The following PCDHA4 variants were observed in gnomAD, a reference collection of about 807,000 sequenced individuals.
The protein encoded by PCDHA4 is protocadherin alpha 4.
PCDHA4 carries 49 observed loss-of-function variants against 61.4 expected under a neutral mutation model. The ratio of observed to expected loss-of-function variants is 0.80; its 90% CI spans 0.63 to 1.01. The LOEUF is 1.01. Ranked by LOEUF, PCDHA4 falls within the 50% of genes least tolerant of loss-of-function variation. The pLI is 0.00. For synonymous variants in PCDHA4, 590 were observed against 550.3 expected, an observed-to-expected ratio of 1.07 and a Z score of -1.01; for missense variants, 1,254 against 1,235.8, an observed-to-expected ratio of 1.01 and a Z score of -0.22.
chr5:140,939,311 C>A (rs972598257), intron 1 of PCDHA4, among the ~76,000 whole-genome samples: 1 of 152,130 alleles, frequency 6.6e-6, no homozygotes, highest in African/African-American at 2.4e-5. Flanking sequence ...AAAGCCCTAC[C>A]TCCTAATATC....
chr5:140,821,598 A>T, intron 1 of PCDHA4: 1 of 689,144 alleles, frequency 1.5e-6, no homozygotes, highest in Non-Finnish European at 2.3e-6. Context: ...CCAGCCTCAA[A>T]GGAATACAGT....
chr5:140,958,159 A>T (rs782390357), intron 1 of PCDHA4, among the ~76,000 whole-genome samples: 35 of 152,134 alleles, frequency 2.3e-4, no homozygotes, highest in Non-Finnish European at 4.3e-4. Flanking sequence ...CATAGTCAAA[A>T]GCCTGGAGTG....
chr5:140,831,520 C>CTTT (rs2150195630), intron 1 of PCDHA4, among the ~76,000 whole-genome samples: 4 of 122,404 alleles, frequency 3.3e-5, no homozygotes, highest in Non-Finnish European at 6.6e-5. Context: ...TGCCCCCCAC[C>CTTT]TTTTTTTTTT....
intron 2 of PCDHA4, among the ~76,000 whole-genome samples, chr5:140,980,713 C>A (rs1034858406): frequency 1.3e-5 from 2 of 151,364 alleles, no homozygotes; most frequent in Non-Finnish European, 2.9e-5. Context: ...TGCTCCTATT[C>A]GGGTTTCAAT....
Position 140,807,950 on chromosome 5 carries a change from G to C in PCDHA4, c.763G>C (p.Val255Leu), listed in dbSNP as rs201004244. ...TIYKVRLLEN[V>L]PNGTLVIKLN... ...TTATAAGGTGAGATTACTAGAAAATGTTCCTAATGGAACATTGGTAATTAA... is the reference window on the plus strand; with the variant it reads ...TTATAAGGTGAGATTACTAGAAAATCTTCCTAATGGAACATTGGTAATTAA... The change falls in exon 1 of 4, where the codon GTT becomes CTT. Residue 255 changes from valine to leucine, a missense_variant. Physicochemically the swap from Val to Leu is conservative, Grantham distance 32. Coordinates refer to ENST00000530339, the MANE Select transcript of PCDHA4 (RefSeq NM_018907.4). The C allele has an allele frequency of 1.9e-4, 306 of 1,614,074 alleles. 1 individual carries two copies. In the South Asian group the frequency reaches 1.9e-3, roughly 10 times the overall value.
At chr5:140,828,862 C>T (rs2150159832) in intron 1 of PCDHA4, 2 of 1,614,178 alleles carry the variant, frequency 1.2e-6, no homozygotes, top group Non-Finnish European at 1.7e-6. Context: ...ATGCAGACAA[C>T]GGAACAACAG....
Position 140,927,906 on chromosome 5 carries a change from C to T in PCDHA4, c.2386-51043C>T, listed in dbSNP as rs116016831. On this transcript the variant is annotated intron_variant, in intron 1 of 3. Coordinates refer to ENST00000530339, the MANE Select transcript of PCDHA4 (RefSeq NM_018907.4). ...TGACTGACGTGAACGATCATGCCCC[C>T]GAACTGGACTTCCTGACTCTTTCGA... is the stretch of plus-strand genomic sequence containing the variant. 5,195 of 1,614,178 alleles carry T rather than the reference C, an allele frequency of 3.2e-3. 26 individuals are homozygous for T. The highest frequency in any genetic ancestry group is 0.019 in the African/African-American group (1,450 of 75,038).
At chr5:140,847,583 T>A (rs1323179301) in intron 1 of PCDHA4, 3 of 149,348 alleles carry the variant, frequency 2.0e-5, no homozygotes, top group African/African-American at 7.3e-5. Context: ...GGATGAGCAA[T>A]AATGAAATTA....
chr5:140,849,480 C>G (rs1554142971), intron 1 of PCDHA4: 1 of 1,590,328 alleles, frequency 6.3e-7, no homozygotes, highest in African/African-American at 1.4e-5. Context: ...AGGCTTCCCA[C>G]CCCTGGCTGG....
chr5:140,886,097 A>G (rs1341108712), intron 1 of PCDHA4, among the ~76,000 whole-genome samples: 1 of 152,214 alleles, frequency 6.6e-6, no homozygotes, highest in Non-Finnish European at 1.5e-5. Context: ...ATTGACATTG[A>G]TACAGTAAAG....
At chr5:140,876,945 C>T (rs1405794987) in intron 1 of PCDHA4, 2 of 1,613,474 alleles carry the variant, frequency 1.2e-6, no homozygotes, top group East Asian at 2.2e-5. Flanking sequence ...CGCTGGTGTC[C>T]TACTCGCTGG....
At chr5:140,914,290 T>A (rs1412561039) in intron 1 of PCDHA4, among the ~76,000 whole-genome samples, 1 of 152,200 alleles carries the variant, frequency 6.6e-6, no homozygotes, top group Non-Finnish European at 1.5e-5. Context: ...AATTGTTATA[T>A]CCTCTTGCTG....
intron 1 of PCDHA4, chr5:140,870,246 C>A: frequency 6.2e-7 from 1 of 1,614,168 alleles, no homozygotes; most frequent in Non-Finnish European, 8.5e-7. Flanking sequence ...CAGGTGTCAA[C>A]GGACAGGTGA....
intron 1 of PCDHA4, chr5:140,811,328 G>A (rs1764840045): frequency 6.6e-6 from 1 of 152,164 alleles, no homozygotes; most frequent in South Asian, 2.1e-4. Flanking sequence ...TCTCTACAAA[G>A]GACATGAACT....
chr5:140,860,366 G>A (rs2046359217), intron 1 of PCDHA4: 1 of 152,102 alleles, frequency 6.6e-6, no homozygotes, highest in African/African-American at 2.4e-5. Flanking sequence ...GGATGACAAA[G>A]TGAGACCCTA....
chr5:140,875,556 C>A (rs781896642), intron 1 of PCDHA4: 2 of 1,614,010 alleles, frequency 1.2e-6, no homozygotes, highest in Non-Finnish European at 1.7e-6. Context: ...AGGTGGGGAG[C>A]GGCCAGCTCC....
At chr5:140,968,982 C>G in intron 1 of PCDHA4, 1 of 1,614,226 alleles carries the variant, frequency 6.2e-7, no homozygotes, top group Non-Finnish European at 8.5e-7. Flanking sequence ...GCGTATGGCA[C>G]TGCATGCTGT....
intron 1 of PCDHA4, chr5:140,875,971 CTT>C: frequency 6.2e-7 from 1 of 1,614,030 alleles, no homozygotes. Flanking sequence ...CGTAAACTCT[CTT>C]TTGACCTATG....
At chr5:140,928,495 A>G in intron 1 of PCDHA4, 2 of 1,614,206 alleles carry the variant, frequency 1.2e-6, no homozygotes, top group South Asian at 1.1e-5. Flanking sequence ...CATTCCTCCC[A>G]GAAGTGCAAC....
Sources: gnomAD v4.1 joint callset for allele counts (sites outside exome capture counted in the v4.1 genomes callset) on GRCh38, gnomAD v4.1.1 for gene constraint, MANE v1.5 for transcripts, NCBI Gene and HGNC (gene_info 2026-07-23, HGNC 2026-07-21) for gene names.